The following ZNF185 variants were observed in gnomAD, a reference collection of about 807,000 sequenced individuals.
ZNF185 encodes zinc finger protein 185 with LIM domain, also known as zinc finger protein 185.
Under a neutral mutation model 58.6 loss-of-function variants are expected in ZNF185, and 56 were observed. The ratio of observed to expected loss-of-function variants is 0.95; its 90% CI spans 0.77 to 1.19. ZNF185 has a LOEUF of 1.19. Among genes scored for constraint, ZNF185 ranks in the 50% most tolerant of loss-of-function variants. The probability of loss-of-function intolerance (pLI) is 0.00; values close to 1 mark genes in which losing one functional copy is unlikely to be tolerated. For missense variants in ZNF185, 627 were observed against 573.5 expected, an observed-to-expected ratio of 1.09 and a Z score of -0.95; for synonymous variants, 230 against 215.9, an observed-to-expected ratio of 1.07 and a Z score of -0.57.
intron 16 of ZNF185, among the ~76,000 whole-genome samples, chrX:152,952,389 C>T (rs1189610712): frequency 8.9e-6 from 1 of 112,036 alleles, no homozygotes; most frequent in Non-Finnish European, 1.9e-5. Flanking sequence ...TATATAAGTA[C>T]TTATTTATCT....
chrX:152,925,917 AGCTCCTCATAACTCTT>A (rs1556872393), intron 11 of ZNF185, among the ~76,000 whole-genome samples: 1 of 112,162 alleles, frequency 8.9e-6, no homozygotes, highest in Non-Finnish European at 1.9e-5. Flanking sequence ...TGCAAAGGTC[AGCTCCTCATAACTCTT>A]GCCCCCCTTG....
intron 12 of ZNF185, among the ~76,000 whole-genome samples, chrX:152,930,907 G>A (rs1042999996): frequency 6.3e-5 from 7 of 111,428 alleles, no homozygotes; most frequent in Admixed American, 9.5e-5. Context: ...ACAGAAGGGG[G>A]CTTAAATTAG....
At chrX:152,901,901 C>T in the ZNF185 span, among the ~76,000 whole-genome samples, 6 of 111,758 alleles carry the variant, frequency 5.4e-5, no homozygotes, top group Admixed American at 4.7e-4. Context: ...AAGGAATCTG[C>T]AGCTTAAGCG....
At chrX:152,964,051 C>T (rs1603313963) in intron 18 of ZNF185, 102 bp downstream of exon 20, 1 of 788,379 alleles carries the variant, frequency 1.3e-6, no homozygotes, top group African/African-American at 2.0e-5. Flanking sequence ...CATTTAGTGC[C>T]TTCCCCAGTT....
At position 152,941,828 on chromosome X, in the gene ZNF185, C is replaced by A. The variant is rs1207087962; in HGVS notation, c.1212-3439C>A. 4.3e-6 allele frequency: 5 copies of A among 1,155,299 alleles called. No homozygotes were observed. The South Asian group carries it at 9.7e-5, about 22-fold the overall frequency. ...CCGAGGAGCTGGCTGCCCCTTCCCC[C>A]GCGTAAGGTCTGAAGCCGCGGCCAG... On this transcript the variant is annotated intron_variant, in intron 15 of 22. Transcript: ENST00000449285.
intron 17 of ZNF185, among the ~76,000 whole-genome samples, chrX:152,963,518 C>G (rs1426088225): frequency 8.9e-6 from 1 of 112,054 alleles, no homozygotes; most frequent in Non-Finnish European, 1.9e-5. Context: ...CTGCACCCTC[C>G]TGACTGTCAC....
At chrX:152,899,440 C>T in the ZNF185 span, among the ~76,000 whole-genome samples, 1 of 112,942 alleles carries the variant, frequency 8.9e-6, no homozygotes, top group African/African-American at 3.2e-5. Flanking sequence ...TTGGTGCCTC[C>T]GCTGTTCCCC....
At chrX:152,904,747 A>ACCGCTG in the ZNF185 span, among the ~76,000 whole-genome samples, 1 of 111,775 alleles carries the variant, frequency 8.9e-6, no homozygotes, top group East Asian at 2.8e-4. Flanking sequence ...AGTCTGTGCC[A>ACCGCTG]CAGCCAAGGC....
intron 15 of ZNF185, among the ~76,000 whole-genome samples, chrX:152,945,023 T>C (rs1556893217): frequency 8.9e-6 from 1 of 112,042 alleles, no homozygotes; most frequent in African/African-American, 3.2e-5. Context: ...CATCGGAGGC[T>C]TCGGCTTCAT....
rs139055172 is a variant in ZNF185 at position 152,921,823 on chromosome X, G to A, written c.657-350G>A. On this transcript the variant is annotated intron_variant, in intron 9 of 22. Transcript: ENST00000449285. ...TCACATGGCCTTCTCTTCTCTGTGT[G>A]TCTGTGTCCAGATTTCCCTCTTCTT... Among the ~76,000 whole-genome samples the A allele has an allele frequency of 4.3e-3, 475 of 111,424 alleles. 4 individuals carry two copies. Among genetic ancestry groups the A allele is most frequent in the African/African-American group, 0.014 (425 of 30,604 alleles).
chrX:152,923,949 C>T (rs958589198), intron 11 of ZNF185, among the ~76,000 whole-genome samples: 1 of 111,261 alleles, frequency 9.0e-6, no homozygotes, highest in Non-Finnish European at 1.9e-5. Flanking sequence ...CACCCTGGGG[C>T]GCTTAAACCA....
the ZNF185 span, among the ~76,000 whole-genome samples, chrX:152,906,801 C>T: frequency 9.1e-6 from 1 of 110,430 alleles, no homozygotes; most frequent in East Asian, 2.9e-4. Flanking sequence ...CACACCTGCT[C>T]CTGCTTGTGC....
chrX:152,914,777 G>A (rs782247502), exon 2 of ZNF185: 9 of 1,190,174 alleles, frequency 7.6e-6, no homozygotes, highest in East Asian at 6.1e-5. Flanking sequence ...TGCGAACCAC[G>A]CTGAAGGGGG....
At position 152,959,732 on chromosome X, in the gene ZNF185, C is replaced by CTT. The variant is rs1556908420; in HGVS notation, c.1443_1444insTT (p.Thr482LeufsTer57). 8.3e-7 allele frequency: 1 copy of CTT among 1,211,595 alleles called. No homozygotes were observed. Among genetic ancestry groups the CTT allele is most frequent in the Non-Finnish European group, 1.1e-6 (1 of 895,319 alleles). ...CTGATTTTGAGGGGAAGGATGTGGCCACCAAGGTCGGAGAGGCCTGGCAGG... is the reference window on the plus strand; with the variant it reads ...CTGATTTTGAGGGGAAGGATGTGGCCTTACCAAGGTCGGAGAGGCCTGGCAGG... On this transcript the variant is annotated frameshift_variant, in exon 17 of 23. Transcript: ENST00000449285. LOFTEE classifies it high-confidence loss of function.
chrX:152,903,241 T>C, the ZNF185 span, among the ~76,000 whole-genome samples: 2 of 107,926 alleles, frequency 1.9e-5, no homozygotes, highest in African/African-American at 6.8e-5. Flanking sequence ...ATACAAAAAT[T>C]AGCCAGGTGT....
At chrX:152,966,635 T>G (rs1225039154) in intron 19 of ZNF185, among the ~76,000 whole-genome samples, 1 of 111,599 alleles carries the variant, frequency 9.0e-6, no homozygotes, top group Non-Finnish European at 1.9e-5. Flanking sequence ...CTCAACAGCT[T>G]ATTGAGTTAT....
At chrX:152,938,010 G>T in intron 14 of ZNF185, 64 bp from the exon 17 acceptor site, 1 of 1,071,223 alleles carries the variant, frequency 9.3e-7, no homozygotes, top group Non-Finnish European at 1.3e-6. Context: ...GCCTGGAGGG[G>T]GAAGACCTGG....
chrX:152,958,617 G>C (rs2049100730), intron 16 of ZNF185, among the ~76,000 whole-genome samples: 2 of 109,354 alleles, frequency 1.8e-5, no homozygotes, highest in South Asian at 8.0e-4. Context: ...TTAGCCACGC[G>C]TGGCAGCGGG....
chrX:152,946,116 T>C (rs1322610777), intron 16 of ZNF185, among the ~76,000 whole-genome samples: 4 of 112,679 alleles, frequency 3.5e-5, no homozygotes, highest in Non-Finnish European at 5.6e-5. Context: ...ACACTGCATG[T>C]CCTTGCAGCT....
Sources: gnomAD v4.1 joint callset for allele counts (sites outside exome capture counted in the v4.1 genomes callset) on GRCh38, gnomAD v4.1.1 for gene constraint, MANE v1.5 for transcripts, NCBI Gene and HGNC (gene_info 2026-07-23, HGNC 2026-07-21) for gene names.